PGBD5: variants seen among roughly 807,000 people sequenced by gnomAD.
PGBD5 encodes piggyBac transposable element-derived protein 5.
In PGBD5, 14 loss-of-function variants were observed where a neutral mutation model predicts 47.9. That is an observed-to-expected ratio of 0.29 (90% CI 0.19 to 0.46). PGBD5 has a LOEUF of 0.46. Ranked by LOEUF, PGBD5 falls within the 20% of genes least tolerant of loss-of-function variation. PGBD5 has a pLI of 1.00. For synonymous variants in PGBD5, 316 were observed against 306.3 expected (o/e 1.03, Z -0.33); for missense variants, 635 against 716.0 (o/e 0.89, Z 1.29).
At chr1:230,410,286 T>A (rs1470432794) in intron 1 of PGBD5, among the ~76,000 whole-genome samples, 1 of 152,162 alleles carries the variant, frequency 6.6e-6, no homozygotes. Flanking sequence ...TGACAAAAAG[T>A]TATTTCTCAA....
chr1:230,359,968 C>G (rs1667717918), intron 1 of PGBD5, among the ~76,000 whole-genome samples: 1 of 152,106 alleles, frequency 6.6e-6, no homozygotes, highest in African/African-American at 2.4e-5. Context: ...AGGGCCGATT[C>G]CGCAGGTGTA....
intron 1 of PGBD5, among the ~76,000 whole-genome samples, chr1:230,378,455 T>C (rs1668047607): frequency 6.6e-6 from 1 of 152,232 alleles, no homozygotes; most frequent in Non-Finnish European, 1.5e-5. Context: ...ACATTGCTAG[T>C]TCATATATGC....
At chr1:230,325,277 G>T in intron 6 of PGBD5, 33 bp downstream of exon 6, 10 of 1,463,846 alleles carry the variant, frequency 6.8e-6, no homozygotes, top group Non-Finnish European at 9.5e-6. Context: ...AACTATGAGA[G>T]CCCTTCTGTC....
chr1:230,364,744 G>A (rs904481582), intron 1 of PGBD5, among the ~76,000 whole-genome samples: 7 of 152,250 alleles, frequency 4.6e-5, no homozygotes, highest in African/African-American at 1.7e-4. Flanking sequence ...AAGCTGGCCA[G>A]GCGCAGTGGC....
intron 1 of PGBD5, among the ~76,000 whole-genome samples, chr1:230,366,903 G>C (rs961965789): frequency 1.3e-5 from 2 of 152,056 alleles, no homozygotes; most frequent in Admixed American, 1.3e-4. Flanking sequence ...ATTTCATTTA[G>C]GCACTGTGTC....
chr1:230,408,554 T>C (rs553459852), intron 1 of PGBD5, among the ~76,000 whole-genome samples: 1 of 152,254 alleles, frequency 6.6e-6, no homozygotes, highest in South Asian at 2.1e-4. Flanking sequence ...GTTATTAAAA[T>C]AGAAAATAAA....
intron 1 of PGBD5, among the ~76,000 whole-genome samples, chr1:230,376,160 C>T (rs1241190698): frequency 1.3e-5 from 2 of 152,076 alleles, no homozygotes; most frequent in Non-Finnish European, 2.9e-5. Context: ...CCTTTCTATG[C>T]AGGCACAGTT....
Position 230,357,287 on chromosome 1 carries a change from G to T in PGBD5, c.366C>A (p.Ala122=), listed in dbSNP as rs144928166. ...GGACAAAGAGCTGGAAGAAGTCCAC[G>T]GCACTGGCGCTGGGGGGCATCTTTC... ...PTRKMPPSAS[A]VDFFQLFVPD... Residue 122 remains alanine, a synonymous_variant, in exon 2 of 7, where the codon GCC becomes GCA. Transcript: ENST00000391860. This position sits in a 1 kb window ranked among gnomAD's most constrained non-coding sequence, Gnocchi z 5.7. The T allele has an allele frequency of 1.7e-5, 27 of 1,614,018 alleles. No homozygotes were observed. In the African/African-American group the frequency reaches 3.3e-4, roughly 20 times the overall value.
chr1:230,422,822 G>A (rs1438172110), intron 1 of PGBD5, among the ~76,000 whole-genome samples: 1 of 151,992 alleles, frequency 6.6e-6, no homozygotes, highest in Non-Finnish European at 1.5e-5. Flanking sequence ...GTTGCTTTTA[G>A]GGCTGGCACG....
chr1:230,396,836 T>C (rs1289684751), intron 1 of PGBD5, among the ~76,000 whole-genome samples: 1 of 152,098 alleles, frequency 6.6e-6, no homozygotes, highest in Non-Finnish European at 1.5e-5. Flanking sequence ...ACCCTCCCCA[T>C]GGGATTGTGT....
At chr1:230,341,688 T>A (rs1032877230) in intron 3 of PGBD5, among the ~76,000 whole-genome samples, 2 of 152,150 alleles carry the variant, frequency 1.3e-5, no homozygotes, top group African/African-American at 4.8e-5. Flanking sequence ...CCTAGACATA[T>A]CTAGAGAAAG....
intron 6 of PGBD5, among the ~76,000 whole-genome samples, chr1:230,324,263 A>G (rs1254335576): frequency 7.2e-5 from 11 of 152,194 alleles, no homozygotes; most frequent in Non-Finnish European, 1.0e-4. Context: ...ATATCTCACT[A>G]TGTCTGAAAT....
chr1:230,350,882 A>T (rs1667549791), intron 3 of PGBD5, 76 bp downstream of exon 3: 18 of 1,553,950 alleles, frequency 1.2e-5, no homozygotes, highest in African/African-American at 2.7e-5. Context: ...CTTGGGTATC[A>T]GATGAGCCCA....
intron 1 of PGBD5, among the ~76,000 whole-genome samples, chr1:230,378,584 C>CCA (rs779449421): frequency 2.4e-4 from 37 of 151,940 alleles, no homozygotes; most frequent in Non-Finnish European, 5.1e-4. Context: ...AAGGAAGGTG[C>CCA]CACCTCTCTC....
At chr1:230,390,191 T>C (rs1656751376) in intron 1 of PGBD5, among the ~76,000 whole-genome samples, 1 of 152,162 alleles carries the variant, frequency 6.6e-6, no homozygotes, top group Non-Finnish European at 1.5e-5. Context: ...CTGCCCACCA[T>C]AAGTGGGTGA....
intron 1 of PGBD5, chr1:230,368,214 C>A: frequency 7.6e-7 from 1 of 1,309,152 alleles, no homozygotes; most frequent in African/African-American, 1.5e-5. Flanking sequence ...AAGCTGACCA[C>A]TGAAATATAC....
At chr1:230,333,102 CCG>C in intron 4 of PGBD5, 61 bp from the exon 5 acceptor site, 1 of 1,510,536 alleles carries the variant, frequency 6.6e-7, no homozygotes, top group Non-Finnish European at 8.9e-7. Flanking sequence ...GGCGGCTCCT[CCG>C]CCCTGGGCAC....
At chr1:230,366,835 C>T (rs190284824) in intron 1 of PGBD5, among the ~76,000 whole-genome samples, 67 of 152,232 alleles carry the variant, frequency 4.4e-4, no homozygotes, top group Non-Finnish European at 7.5e-4. Flanking sequence ...TCCCCCTTCC[C>T]GGGAGCCGAC....
At chr1:230,394,281 C>G (rs1454522915) in intron 1 of PGBD5, among the ~76,000 whole-genome samples, 2 of 151,764 alleles carry the variant, frequency 1.3e-5, no homozygotes, top group African/African-American at 4.9e-5. Context: ...TAAAAAACTC[C>G]ACAGGGACCA....
Sources: allele counts gnomAD v4.1 joint callset (sites outside exome capture counted in the v4.1 genomes callset), GRCh38; gene constraint gnomAD v4.1.1; non-coding constraint Gnocchi (gnomAD v3.1); transcripts MANE v1.5; gene names NCBI Gene and HGNC (gene_info 2026-07-23, HGNC 2026-07-21).